NF1: variants seen among roughly 807,000 people sequenced by gnomAD.
NF1 encodes the protein neurofibromin.
NF1 carries 122 observed loss-of-function variants against 325.7 expected under a neutral mutation model. That is an observed-to-expected ratio of 0.37 (90% CI 0.32 to 0.44). The LOEUF is 0.44. NF1 is among the 20% of genes least tolerant of loss of function. The pLI, the probability that NF1 is intolerant of heterozygous loss-of-function variation, is 1.00. For synonymous variants in NF1, 1,091 were observed against 1,186.0 expected (o/e 0.92, Z 1.65); for missense variants, 2,140 against 3,415.4 (o/e 0.63, Z 9.31).
chr17:31,366,905 A>T (rs2070534099), intron 57 of NF1, among the ~76,000 whole-genome samples: 1 of 152,168 alleles, frequency 6.6e-6, no homozygotes, highest in African/African-American at 2.4e-5. Context: ...AGGGAGAAAA[A>T]TAATTTTAAA....
chr17:31,282,090 A>G (rs371642179), intron 36 of NF1, among the ~76,000 whole-genome samples: 1 of 151,668 alleles, frequency 6.6e-6, no homozygotes, highest in Non-Finnish European at 1.5e-5. Context: ...TTTTTTAAGT[A>G]TACAATTTTG....
At chr17:31,164,397 G>A (rs969009481) in intron 4 of NF1, among the ~76,000 whole-genome samples, 4 of 152,250 alleles carry the variant, frequency 2.6e-5, no homozygotes, top group Admixed American at 2.6e-4. Context: ...ACAGTAGCAA[G>A]TAGCTGCAAA....
rs576929967 is a variant in NF1 at position 31,363,476 on chromosome 17, C to T, written c.8377+2773C>T. 6.5e-5 allele frequency among the ~76,000 whole-genome samples: 9 copies of T among 137,976 alleles called. No individual in the cohort carries two copies. In the South Asian group the frequency reaches 1.1e-3, roughly 18 times the overall value. The allele number at this position is 137,976 out of a possible 152,430, so 90.5% of individuals were successfully genotyped here. ...TTTTTGAGACAGAGTCTCGCTCTGT[C>T]GCCGAGGCTGGAGTCAGTGGTGCGA... On this transcript the variant is annotated intron_variant, in intron 57 of 57. Transcript: ENST00000358273.
At chr17:31,194,849 T>C (rs1362269776) in intron 8 of NF1, among the ~76,000 whole-genome samples, 2 of 152,152 alleles carry the variant, frequency 1.3e-5, no homozygotes, top group Non-Finnish European at 2.9e-5. Context: ...TTGGCAAATG[T>C]ATTGGGTAGC....
chr17:31,322,967 T>A (rs904205817), intron 36 of NF1, among the ~76,000 whole-genome samples: 6 of 152,338 alleles, frequency 3.9e-5, no homozygotes, highest in African/African-American at 1.2e-4. Flanking sequence ...CCTTCTTATA[T>A]CTTGTATACA....
chr17:31,317,368 AACACACACACACACAC>A (rs3138611), intron 36 of NF1, among the ~76,000 whole-genome samples: 2 of 144,562 alleles, frequency 1.4e-5, no homozygotes, highest in African/African-American at 5.1e-5. Context: ...TCCAGATTTG[AACACACACACACACAC>A]ACACACACAC....
chr17:31,120,966 T>C (rs1914373109), intron 1 of NF1, among the ~76,000 whole-genome samples: 1 of 152,118 alleles, frequency 6.6e-6, no homozygotes, highest in African/African-American at 2.4e-5. Context: ...ACACAACATA[T>C]ACCAAAATTT....
At chr17:31,122,830 A>C (rs1407529606) in intron 1 of NF1, among the ~76,000 whole-genome samples, 3 of 152,166 alleles carry the variant, frequency 2.0e-5, no homozygotes, top group African/African-American at 7.2e-5. Flanking sequence ...CTCAGTGTGA[A>C]AGTCAAGAGG....
intron 36 of NF1, chr17:31,321,979 G>T (rs1364645818): frequency 6.6e-6 from 1 of 152,056 alleles, no homozygotes; most frequent in East Asian, 1.9e-4. Flanking sequence ...GGAGTCCATG[G>T]GATACTGATC....
intron 8 of NF1, among the ~76,000 whole-genome samples, chr17:31,189,101 A>G (rs1416067494): frequency 1.3e-5 from 2 of 152,174 alleles, no homozygotes; most frequent in East Asian, 1.9e-4. Flanking sequence ...ACTCGAGTGA[A>G]TTTACGTTTT....
intron 36 of NF1, among the ~76,000 whole-genome samples, chr17:31,315,710 A>G (rs1597814885): frequency 1.3e-5 from 2 of 152,260 alleles, no homozygotes; most frequent in South Asian, 4.1e-4. Context: ...AATAAATGTA[A>G]AGTGCCTTGG....
At chr17:31,154,732 C>CTTTTTTTTTT (rs71142026) in intron 1 of NF1, among the ~76,000 whole-genome samples, 12 of 103,394 alleles carry the variant, frequency 1.2e-4, no homozygotes, top group Non-Finnish European at 1.9e-4. Flanking sequence ...TTAGTATTTC[C>CTTTTTTTTTT]TTTTTTTTTT....
intron 36 of NF1, chr17:31,319,060 A>G (rs370723802): frequency 1.3e-6 from 2 of 1,536,220 alleles, no homozygotes. Flanking sequence ...AGTTTGTGAA[A>G]GAATAATGGA....
At chr17:31,333,906 A>G (rs1008426218) in intron 39 of NF1, among the ~76,000 whole-genome samples, 11 of 152,192 alleles carry the variant, frequency 7.2e-5, no homozygotes, top group African/African-American at 1.2e-4. Context: ...GTATAGATAA[A>G]TTTTTGTACA....
chr17:31,316,957 G>T (rs976206892), intron 36 of NF1, among the ~76,000 whole-genome samples: 8 of 152,080 alleles, frequency 5.3e-5, no homozygotes, highest in Admixed American at 4.6e-4. Context: ...AATGCTTAGA[G>T]TTCACCCCAT....
rs115486788 is a variant in NF1, at chr17:31,344,486, A to G, written c.7189+1351A>G. ...GGTCTCAGAAGTGGATTTGGCCACA[A>G]TAGAGATTCAAGCTATAGCTTGAGT... On this transcript the variant is annotated intron_variant, in intron 48 of 57. Transcript: ENST00000358273. Among the ~76,000 whole-genome samples, 683 of 152,372 alleles carry G rather than the reference A, an allele frequency of 4.5e-3. 7 individuals carry two copies. The highest frequency in any genetic ancestry group is 0.016 in the African/African-American group (652 of 41,590).
chr17:31,275,191 G>A (rs78317028), intron 36 of NF1, among the ~76,000 whole-genome samples: 1 of 152,140 alleles, frequency 6.6e-6, no homozygotes, highest in East Asian at 1.9e-4. Context: ...TGTAATAATA[G>A]CCCCCTCTTA....
chr17:31,283,437 A>C (rs966615613), intron 36 of NF1, among the ~76,000 whole-genome samples: 12 of 150,142 alleles, frequency 8.0e-5, no homozygotes, highest in East Asian at 2.0e-4. Context: ...ACAAAAAAAA[A>C]CACTAATTAC....
chr17:31,278,816 C>T (rs1047258956), intron 36 of NF1, among the ~76,000 whole-genome samples: 1 of 151,818 alleles, frequency 6.6e-6, no homozygotes, highest in Admixed American at 6.6e-5. Flanking sequence ...GGTTTCACCA[C>T]ATTGGCCAGG....
Sources: gnomAD v4.1 joint callset for allele counts (sites outside exome capture counted in the v4.1 genomes callset) on GRCh38, gnomAD v4.1.1 for gene constraint, MANE v1.5 for transcripts, NCBI Gene and HGNC (gene_info 2026-07-23, HGNC 2026-07-21) for gene names.